The following OSBP variants were observed in gnomAD, a reference collection of about 807,000 sequenced individuals.
The protein encoded by OSBP is oxysterol-binding protein 1.
In OSBP, 32 loss-of-function variants were observed where a neutral mutation model predicts 96.6. The ratio of observed to expected loss-of-function variants is 0.33; its 90% CI spans 0.25 to 0.45. The LOEUF is 0.45. Ranked by LOEUF, OSBP falls within the 20% of genes least tolerant of loss-of-function variation. The pLI is 1.00. For synonymous variants in OSBP, 369 were observed against 389.6 expected (o/e 0.95, Z 0.62); for missense variants, 653 against 1,029.7 (o/e 0.63, Z 5.01).
intron 9 of OSBP, among the ~76,000 whole-genome samples, chr11:59,584,902 CA>C (rs1565114943): frequency 6.6e-6 from 1 of 151,920 alleles, no homozygotes; most frequent in Non-Finnish European, 1.5e-5. Flanking sequence ...AGAATTCCAC[CA>C]AAAAAAGAAA....
At chr11:59,585,975 G>C (rs929145075) in intron 9 of OSBP, among the ~76,000 whole-genome samples, 4 of 152,096 alleles carry the variant, frequency 2.6e-5, no homozygotes, top group Admixed American at 1.3e-4. Flanking sequence ...GCAGCATGCT[G>C]GTTAAGAGTC....
chr11:59,611,150 A>AGAAAG (rs1383251965), intron 1 of OSBP, among the ~76,000 whole-genome samples: 1 of 150,608 alleles, frequency 6.6e-6, no homozygotes. Context: ...AAAAAAAAAA[A>AGAAAG]AAAGAAAGAA....
intron 10 of OSBP, among the ~76,000 whole-genome samples, chr11:59,581,078 T>C (rs1174178757): frequency 6.6e-6 from 1 of 152,184 alleles, no homozygotes; most frequent in Non-Finnish European, 1.5e-5. Context: ...TAATAAATTA[T>C]TGAGGGACAT....
intron 9 of OSBP, among the ~76,000 whole-genome samples, chr11:59,582,200 C>G (rs1156931765): frequency 6.6e-6 from 1 of 152,148 alleles, no homozygotes; most frequent in Non-Finnish European, 1.5e-5. Flanking sequence ...CATGGTGGGC[C>G]TCAGATAGCT....
chr11:59,594,851 G>A (rs1860629000), intron 7 of OSBP, among the ~76,000 whole-genome samples: 1 of 152,140 alleles, frequency 6.6e-6, no homozygotes, highest in Non-Finnish European at 1.5e-5. Context: ...AGGGGGCTGT[G>A]CATGCTCTTA....
chr11:59,615,209 TG>T, intron 1 of OSBP, 93 bp downstream of exon 1: 1 of 1,084,664 alleles, frequency 9.2e-7, no homozygotes, highest in Non-Finnish European at 1.3e-6. Context: ...GGGGCAACCC[TG>T]GCTGCGGTGC....
At chr11:59,589,795 C>T (rs1590670741) in intron 9 of OSBP, among the ~76,000 whole-genome samples, 1 of 151,398 alleles carries the variant, frequency 6.6e-6, no homozygotes, top group African/African-American at 2.4e-5. Flanking sequence ...CCAGCCTGGT[C>T]GACATGGTGA....
chr11:59,587,537 T>A (rs1220849087), intron 9 of OSBP, among the ~76,000 whole-genome samples: 1 of 150,134 alleles, frequency 6.7e-6, no homozygotes, highest in African/African-American at 2.4e-5. Flanking sequence ...AGGACTTGAA[T>A]AGGTATTCCT....
chr11:59,614,497 A>C (rs1860896455), intron 1 of OSBP, among the ~76,000 whole-genome samples: 1 of 152,234 alleles, frequency 6.6e-6, no homozygotes, highest in South Asian at 2.1e-4. Flanking sequence ...GTTATGAGTC[A>C]CCATAAATAT....
chr11:59,602,942 C>T (rs895558227), intron 3 of OSBP, among the ~76,000 whole-genome samples: 2 of 152,136 alleles, frequency 1.3e-5, no homozygotes, highest in Non-Finnish European at 2.9e-5. Flanking sequence ...TTCTTTCAGG[C>T]CTACATACCT....
intron 7 of OSBP, 39 bp downstream of exon 7, chr11:59,600,457 G>A: frequency 6.2e-7 from 1 of 1,607,988 alleles, no homozygotes; most frequent in African/African-American, 1.3e-5. Flanking sequence ...AGGCTTGAGA[G>A]GAACTCCTGG....
chr11:59,611,269 T>C (rs1208194148), intron 1 of OSBP, among the ~76,000 whole-genome samples: 4 of 152,040 alleles, frequency 2.6e-5, no homozygotes, highest in Non-Finnish European at 5.9e-5. Flanking sequence ...CACAAGTGCA[T>C]AACCACCACC....
chr11:59,615,221 C>T (rs1439409583), intron 1 of OSBP, 82 bp downstream of exon 1: 6 of 1,225,376 alleles, frequency 4.9e-6, no homozygotes, highest in Non-Finnish European at 5.8e-6. Context: ...GCTGCGGTGC[C>T]GGCTGGCGGT....
At chr11:59,614,225 G>T (rs144589664) in intron 1 of OSBP, among the ~76,000 whole-genome samples, 4 of 152,330 alleles carry the variant, frequency 2.6e-5, no homozygotes, top group African/African-American at 9.6e-5. Flanking sequence ...AGTGTGAACA[G>T]AAGTAGTTTC....
chr11:59,607,307 A>G (rs929999383), intron 3 of OSBP, among the ~76,000 whole-genome samples: 1 of 152,248 alleles, frequency 6.6e-6, no homozygotes, highest in African/African-American at 2.4e-5. Flanking sequence ...ACCAGACATC[A>G]GAAACACAAG....
At position 59,576,786 on chromosome 11, in the gene OSBP, T is replaced by G. The variant is rs1468841155; in HGVS notation, c.2281+19A>C. Reference sequence around the variant, plus strand: ...TTCTCCATGCATCAAGAAAGAAGAGTAGAAGGGAAGTTCATTACCATCCTC... The same window carrying G: ...TTCTCCATGCATCAAGAAAGAAGAGGAGAAGGGAAGTTCATTACCATCCTC... On this transcript the variant is annotated intron_variant, in intron 13 of 13. Coordinates refer to ENST00000263847, the MANE Select transcript of OSBP (RefSeq NM_002556.3). 6.2e-7 allele frequency: 1 copy of G among 1,613,114 alleles called. No homozygotes were observed. Among genetic ancestry groups the G allele is most frequent in the Non-Finnish European group, 8.5e-7 (1 of 1,179,714 alleles).
In OSBP at chr11:59,586,733, C is replaced by A. The variant is rs780852950; in HGVS notation, c.1679-5179G>T. Among the ~76,000 whole-genome samples the A allele has an allele frequency of 3.9e-5, 6 of 152,260 alleles. No homozygotes were observed. In the South Asian group the frequency reaches 6.2e-4, roughly 16 times the overall value. ...ATAGAACAAAGAGCCCAGAAATAAA[C>A]CCTTCATATATGGTCAAATGATTTT... On this transcript the variant is annotated intron_variant, in intron 9 of 13. Transcript: ENST00000263847.
chr11:59,608,767 C>T, intron 2 of OSBP, 33 bp from the exon 3 acceptor site: 1 of 1,610,970 alleles, frequency 6.2e-7, no homozygotes, highest in African/African-American at 1.3e-5. Flanking sequence ...TATATGATTC[C>T]AGAACCAGGA....
At chr11:59,598,619 T>C (rs1860685220) in intron 7 of OSBP, among the ~76,000 whole-genome samples, 1 of 152,176 alleles carries the variant, frequency 6.6e-6, no homozygotes, top group Non-Finnish European at 1.5e-5. Flanking sequence ...AGACAGAGTC[T>C]AGCTCTGTCA....
Sources: allele counts gnomAD v4.1 joint callset (sites outside exome capture counted in the v4.1 genomes callset), GRCh38; gene constraint gnomAD v4.1.1; transcripts MANE v1.5; gene names NCBI Gene and HGNC (gene_info 2026-07-23, HGNC 2026-07-21).